Variants in NPAS3 observed in about 807,000 individuals in gnomAD.
The protein encoded by NPAS3 is neuronal PAS domain protein 3, also known as neuronal PAS domain-containing protein 3.
A neutral mutation model predicts 73.1 loss-of-function variants in NPAS3; 14 were observed. The observed-to-expected ratio is 0.19, with a 90% CI of 0.13 to 0.30. NPAS3 has a LOEUF of 0.30. Among genes scored for constraint, NPAS3 ranks in the 10% least tolerant of loss-of-function variants. The pLI, the probability that NPAS3 is intolerant of heterozygous loss-of-function variation, is 1.00. For missense variants in NPAS3, 1,096 were observed against 1,250.0 expected (o/e 0.88, Z 1.86); for synonymous variants, 620 against 541.5 (o/e 1.14, Z -2.01).
chr14:33,192,420 C>T (rs113630933), intron 2 of NPAS3, among the ~76,000 whole-genome samples: 11 of 152,024 alleles, frequency 7.2e-5, no homozygotes, highest in African/African-American at 2.4e-4. Context: ...AACCAGATAG[C>T]CTTGAGGTGT....
intron 4 of NPAS3, among the ~76,000 whole-genome samples, chr14:33,551,923 CTGTGTA>C (rs985700416): frequency 6.6e-6 from 1 of 152,238 alleles, no homozygotes; most frequent in African/African-American, 2.4e-5. Context: ...GGGGTCCCCA[CTGTGTA>C]TTCAGGGTAT....
chr14:33,326,865 C>T (rs576767726), intron 3 of NPAS3, among the ~76,000 whole-genome samples: 114 of 152,178 alleles, frequency 7.5e-4, no homozygotes, highest in African/African-American at 2.6e-3. Context: ...CATGACAAGG[C>T]GGTGGTGGAC....
chr14:32,938,799 G>A (rs1176657597), upstream of NPAS3, among the ~76,000 whole-genome samples: 1 of 147,530 alleles, frequency 6.8e-6, no homozygotes, highest in African/African-American at 2.4e-5. Context: ...GGGGCCCTGG[G>A]CCGGGCTGCC....
intron 3 of NPAS3, among the ~76,000 whole-genome samples, chr14:33,310,104 C>T (rs1213365942): frequency 1.3e-5 from 2 of 152,230 alleles, no homozygotes; most frequent in East Asian, 1.9e-4. Flanking sequence ...ATTATTTTCT[C>T]AAGCTAACAT....
chr14:33,271,421 A>G (rs993401313), intron 3 of NPAS3, among the ~76,000 whole-genome samples: 6 of 151,580 alleles, frequency 4.0e-5, no homozygotes, highest in Admixed American at 1.3e-4. Context: ...CTTGGGGAAG[A>G]AGGATTCTGA....
intron 5 of NPAS3, among the ~76,000 whole-genome samples, chr14:33,588,837 G>C (rs182303765): frequency 6.6e-6 from 1 of 152,084 alleles, no homozygotes; most frequent in Non-Finnish European, 1.5e-5. Flanking sequence ...AGCTGGTTTC[G>C]AACTCCTGAC....
At chr14:33,269,511 G>A (rs1197267348) in intron 3 of NPAS3, among the ~76,000 whole-genome samples, 2 of 152,132 alleles carry the variant, frequency 1.3e-5, no homozygotes, top group Non-Finnish European at 2.9e-5. Flanking sequence ...ATAAGGAAAT[G>A]TGCAAATAAG....
rs149306864 is a variant in NPAS3 at position 33,427,893 on chromosome 14, A to T, written c.468+60625A>T. On this transcript the variant is annotated intron_variant, in intron 4 of 11. Transcript: ENST00000356141. ...CTTGGTAGTAATGTTGGTAGTGGAG[A>T]CCATCATTTCCAGGGAATGAGAAAA... Among the ~76,000 whole-genome samples the T allele has an allele frequency of 7.6e-3, 1,161 of 152,148 alleles. 7 individuals carry two copies. Among genetic ancestry groups the T allele is most frequent in the Middle Eastern group, 0.031 (9 of 292 alleles).
chr14:33,583,915 T>C (rs1038221859), intron 5 of NPAS3, among the ~76,000 whole-genome samples: 3 of 152,198 alleles, frequency 2.0e-5, no homozygotes, highest in African/African-American at 7.2e-5. Context: ...CTGGGGTCCA[T>C]AGACCAACAT....
intron 5 of NPAS3, among the ~76,000 whole-genome samples, chr14:33,563,063 C>A (rs113894552): frequency 1.1e-4 from 17 of 152,166 alleles, no homozygotes; most frequent in African/African-American, 4.1e-4. Context: ...TAAATAAAGA[C>A]AATGTGTAAC....
chr14:33,307,619 G>GTGTGTGTGTGTGTGTGTGTGTGTT (rs2042810770), intron 3 of NPAS3, among the ~76,000 whole-genome samples: 1 of 151,728 alleles, frequency 6.6e-6, no homozygotes, highest in Non-Finnish European at 1.5e-5. Flanking sequence ...GTGTTCGTGT[G>GTGTGTGTGTGTGTGTGTGTGTGTT]CGTGCATGTT....
rs112325324 is a variant in NPAS3, at chr14:33,259,093, G to A, written c.385+43667G>A. Among the ~76,000 whole-genome samples the A allele has an allele frequency of 9.1e-3, 1,389 of 152,322 alleles. 28 individuals carry two copies. Among genetic ancestry groups the A allele is most frequent in the African/African-American group, 0.032 (1,325 of 41,568 alleles). On this transcript the variant is annotated intron_variant, in intron 3 of 11. Transcript: ENST00000356141. ...CTTCCAAAGTGCTGGGATTACAGGC[G>A]TGAGCCACTGCACCTGGCCAAATAG...
intron 4 of NPAS3, among the ~76,000 whole-genome samples, chr14:33,372,064 T>G (rs915103507): frequency 6.6e-6 from 1 of 152,130 alleles, no homozygotes; most frequent in African/African-American, 2.4e-5. Flanking sequence ...GAGGAAAGAA[T>G]TAAAACACTT....
intron 1 of NPAS3, among the ~76,000 whole-genome samples, chr14:32,944,100 A>C (rs1244555669): frequency 2.0e-5 from 3 of 152,224 alleles, no homozygotes; most frequent in African/African-American, 7.2e-5. Context: ...ACCCTAATGT[A>C]ACCTTAATCT....
At chr14:32,938,485 T>TGAG (rs1491191135), upstream of NPAS3, among the ~76,000 whole-genome samples, 1 of 21,750 alleles carries the variant, frequency 4.6e-5, no homozygotes, top group Non-Finnish European at 8.6e-5. Flanking sequence ...GAGAGAGAAA[T>TGAG]TGAGAGAGAG....
At chr14:33,072,331 T>C (rs1021145558) in intron 2 of NPAS3, among the ~76,000 whole-genome samples, 11 of 152,252 alleles carry the variant, frequency 7.2e-5, no homozygotes, top group African/African-American at 2.7e-4. Context: ...AAATTTCATT[T>C]AGAAAACAAC....
At chr14:33,256,393 A>T (rs2048782773) in intron 3 of NPAS3, among the ~76,000 whole-genome samples, 1 of 152,276 alleles carries the variant, frequency 6.6e-6, no homozygotes, top group Non-Finnish European at 1.5e-5. Flanking sequence ...AATTATTTTG[A>T]TTGATTTTGT....
chr14:33,305,763 C>G (rs2042730785), intron 3 of NPAS3, among the ~76,000 whole-genome samples: 1 of 152,094 alleles, frequency 6.6e-6, no homozygotes, highest in Admixed American at 6.6e-5. Context: ...ACTCTTTGCA[C>G]CAGTGAGTTA....
rs140906120 is a variant in NPAS3 at position 33,673,161 on chromosome 14, C to G, written c.559-3050C>G. Reference sequence around the variant, plus strand: ...TCCTCCCTTCATGGTGTTCAGTGTTCTTTCCTGAATAAAGCAAGGCTGAAG... The same window carrying G: ...TCCTCCCTTCATGGTGTTCAGTGTTGTTTCCTGAATAAAGCAAGGCTGAAG... On this transcript the variant is annotated intron_variant, in intron 5 of 11. Coordinates refer to ENST00000356141, the Ensembl canonical transcript of NPAS3. Among the ~76,000 whole-genome samples, 590 of 152,320 alleles carry G rather than the reference C, an allele frequency of 3.9e-3. 5 individuals are homozygous for G. Among genetic ancestry groups the G allele is most frequent in the Middle Eastern group, 0.037 (11 of 294 alleles).
Sources: gnomAD v4.1 joint callset for allele counts (sites outside exome capture counted in the v4.1 genomes callset) on GRCh38, gnomAD v4.1.1 for gene constraint, MANE v1.5 for transcripts, NCBI Gene and HGNC (gene_info 2026-07-23, HGNC 2026-07-21) for gene names.